The following CLIP1 variants were observed in gnomAD, a reference collection of about 807,000 sequenced individuals.
CLIP1 encodes the protein CAP-Gly domain containing linker protein 1.
Under a neutral mutation model 161.6 loss-of-function variants are expected in CLIP1, and 66 were observed. That is an observed-to-expected ratio of 0.41 (90% CI 0.33 to 0.50). CLIP1 has a LOEUF of 0.50. Ranked by LOEUF, CLIP1 falls within the 20% of genes least tolerant of loss-of-function variation. The pLI, the probability that CLIP1 is intolerant of heterozygous loss-of-function variation, is 0.27. For synonymous variants in CLIP1, 598 were observed against 626.2 expected (o/e 0.96, Z 0.67); for missense variants, 1,376 against 1,702.0 (o/e 0.81, Z 3.37).
chr12:122,331,204 G>A (rs1157443149), intron 15 of CLIP1, among the ~76,000 whole-genome samples: 2 of 151,586 alleles, frequency 1.3e-5, no homozygotes, highest in African/African-American at 4.9e-5. Flanking sequence ...AGTAGAGACG[G>A]GGTTTTCCAT....
intron 1 of CLIP1, among the ~76,000 whole-genome samples, chr12:122,403,844 T>C (rs566347808): frequency 6.6e-5 from 10 of 152,200 alleles, no homozygotes; most frequent in Admixed American, 5.9e-4. Context: ...CATTGGCCCA[T>C]ATTCTAACAC....
At chr12:122,387,578 A>G (rs1210507792) in intron 1 of CLIP1, among the ~76,000 whole-genome samples, 2 of 3,110 alleles carry the variant, frequency 6.4e-4, no homozygotes, top group African/African-American at 5.4e-4. Context: ...ATATATATAT[A>G]TATATATATA....
chr12:122,348,587 G>A (rs1446224358), intron 9 of CLIP1, among the ~76,000 whole-genome samples: 1 of 152,182 alleles, frequency 6.6e-6, no homozygotes, highest in African/African-American at 2.4e-5. Flanking sequence ...ACAGGTTTAA[G>A]TGCAGCAGAA....
intron 14 of CLIP1, among the ~76,000 whole-genome samples, chr12:122,333,562 C>G (rs1413237708): frequency 3.3e-5 from 5 of 152,138 alleles, no homozygotes; most frequent in African/African-American, 1.2e-4. Context: ...AGATGAAATC[C>G]GAGAGATAAT....
At chr12:122,301,941 C>G (rs1203010634) in intron 20 of CLIP1, among the ~76,000 whole-genome samples, 2 of 152,156 alleles carry the variant, frequency 1.3e-5, no homozygotes, top group African/African-American at 4.8e-5. Context: ...TAGTCATTGT[C>G]TGGAGACGAT....
chr12:122,377,583 T>G lies in CLIP1; in HGVS notation c.463A>C (p.Ser155Arg). 6.2e-7 allele frequency: 1 copy of G among 1,614,006 alleles called. No homozygotes were observed. The highest frequency in any genetic ancestry group is 8.5e-7 in the Non-Finnish European group (1 of 1,180,008). ...ATSPLCTSTA[S>R]MVSSSPSTPS... ...GTGGAGGGGGAGGAAGACACCATGC[T>G]GGCCGTAGAAGTGCACAGCGGTGAA... The change falls in exon 3 of 26, where the codon AGC becomes CGC. Residue 155 changes from serine to arginine, a missense_variant. By Grantham distance (110) the Ser-to-Arg change is moderately radical. Transcript: ENST00000620786.
intron 3 of CLIP1, among the ~76,000 whole-genome samples, chr12:122,372,347 G>C (rs1954492122): frequency 6.6e-6 from 1 of 151,966 alleles, no homozygotes. Flanking sequence ...TTGAACCCGG[G>C]AGGCGGAGGT....
At position 122,361,119 on chromosome 12, in the gene CLIP1, C is replaced by A. The variant is rs1483100801; in HGVS notation, c.845G>T (p.Gly282Val). Residue 282 changes from glycine to valine, a missense_variant, in exon 5 of 26, where the codon GGC becomes GTC. By Grantham distance (109) the Gly-to-Val change is moderately radical (BLOSUM62 -3). Coordinates refer to ENST00000620786, the MANE Select transcript of CLIP1 (RefSeq NM_001247997.2). ...TTTGGCTGGTGTAGTGGAAGGGAAG[C>A]CAATCTTGGTAACTTTGTGGACAGG... is the stretch of plus-strand genomic sequence containing the variant. ...FAPVHKVTKI[G>V]FPSTTPAKAK... 1 of 1,614,230 alleles carries A rather than the reference C, an allele frequency of 6.2e-7. No homozygotes were observed. Among genetic ancestry groups the A allele is most frequent in the South Asian group, 1.1e-5 (1 of 91,088 alleles).
At position 122,341,204 on chromosome 12, in the gene CLIP1, C is replaced by T; in HGVS notation, c.2000G>A (p.Arg667Lys). ...TTCTATTTCGTGTTGGTAATCTAGT[C>T]TCATTTTCTCTATTTGTGTTTTTAG... Reference protein sequence around the residue: ...AELKTQIEKMRLDYQHEIENL... With the variant: ...AELKTQIEKMKLDYQHEIENL... The change falls in exon 11 of 26, where the codon AGA becomes AAA. Residue 667 changes from arginine to lysine, a missense_variant. By Grantham distance (26) the Arg-to-Lys change is conservative. Transcript: ENST00000620786. 6.2e-7 allele frequency: 1 copy of T among 1,614,090 alleles called. No homozygotes were observed. Among genetic ancestry groups the T allele is most frequent in the Non-Finnish European group, 8.5e-7 (1 of 1,180,024 alleles).
intron 15 of CLIP1, among the ~76,000 whole-genome samples, chr12:122,331,490 T>C (rs188451665): frequency 3.9e-5 from 6 of 151,938 alleles, no homozygotes; most frequent in Admixed American, 6.6e-5. Context: ...AATTTTTGTA[T>C]TTTTAGTAGC....
Position 122,320,951 on chromosome 12 carries a change from G to A in CLIP1, c.3250-1603C>T, listed in dbSNP as rs145301134. Among the ~76,000 whole-genome samples, 865 of 151,402 alleles carry A rather than the reference G, an allele frequency of 5.7e-3. 10 individuals are homozygous for A. The highest frequency in any genetic ancestry group is 0.02 in the African/African-American group (816 of 41,334). ...TCTTGATCTTCTGATCTCGTGATCC[G>A]CCTGCAACAGCCTCCCAAAGTGCTG... On this transcript the variant is annotated intron_variant, in intron 17 of 25. Coordinates refer to ENST00000620786, the MANE Select transcript of CLIP1 (RefSeq NM_001247997.2).
intron 3 of CLIP1, among the ~76,000 whole-genome samples, chr12:122,370,176 A>G (rs930400864): frequency 1.1e-4 from 17 of 148,162 alleles, no homozygotes; most frequent in African/African-American, 4.2e-4. Flanking sequence ...AAAAAAAAAA[A>G]GAAGAAGAAG....
At chr12:122,294,095 G>A (rs1240042635) in intron 20 of CLIP1, among the ~76,000 whole-genome samples, 17 of 150,998 alleles carry the variant, frequency 1.1e-4, no homozygotes, top group Non-Finnish European at 2.2e-4. Flanking sequence ...TTGGGAGGCC[G>A]AGGCGGGCGG....
chr12:122,380,273 C>T (rs1448549602), intron 2 of CLIP1, 95 bp downstream of exon 2: 2 of 707,536 alleles, frequency 2.8e-6, no homozygotes, highest in East Asian at 3.4e-5. Flanking sequence ...CAAATATTTT[C>T]AAGAATATGA....
chr12:122,351,031 G>T, intron 9 of CLIP1, 80 bp downstream of exon 9: 1 of 1,052,418 alleles, frequency 9.5e-7, no homozygotes, highest in South Asian at 1.5e-5. Context: ...GTTAGTGTTT[G>T]AGTATATCAA....
Position 122,354,562 on chromosome 12 carries a change from G to C in CLIP1, c.1204-6C>G, listed in dbSNP as rs755178700. The C allele has an allele frequency of 3.7e-6, 6 of 1,608,942 alleles. No homozygotes were observed. In the Admixed American group the frequency reaches 1.0e-4, roughly 27 times the overall value. ...GCTTCCAATTCCAGGACATGCTGGG[G>C]AAGGCAAGAATGTCGGTAAATGGAC... On this transcript the variant is annotated splice_region_variant and splice_polypyrimidine_tract_variant and intron_variant, in intron 6 of 25. Coordinates refer to ENST00000620786, the MANE Select transcript of CLIP1 (RefSeq NM_001247997.2).
chr12:122,330,973 C>T (rs575360937), intron 15 of CLIP1, among the ~76,000 whole-genome samples: 19 of 151,992 alleles, frequency 1.3e-4, no homozygotes, highest in African/African-American at 4.1e-4. Context: ...AGGCTTCACC[C>T]CAGTAAGCCT....
At chr12:122,389,888 G>A (rs1296504088) in intron 1 of CLIP1, among the ~76,000 whole-genome samples, 1 of 150,784 alleles carries the variant, frequency 6.6e-6, no homozygotes, top group Non-Finnish European at 1.5e-5. Flanking sequence ...CCCGGTGGGA[G>A]GTGTTTGGGT....
In CLIP1 at chr12:122,377,392, T is replaced by C; in HGVS notation, c.654A>G (p.Val218=). The part of the protein sequence containing the change: ...GERELKIGDR[V]LVGGTKAGVV... The stretch of plus-strand genomic sequence containing the variant: ...CTCAGAATGTTTCTCTACTCACCAA[T>C]ACTCTGTCTCCGATTTTGAGCTCTC... The change falls in exon 3 of 26, where the codon GTA becomes GTG. Residue 218 remains valine (V), a synonymous_variant. Transcript: ENST00000620786. 2.5e-6 allele frequency: 4 copies of C among 1,612,082 alleles called. No individual in the cohort carries two copies. Among genetic ancestry groups the C allele is most frequent in the Non-Finnish European group, 3.4e-6 (4 of 1,178,782 alleles).
Sources: gnomAD v4.1 joint callset for allele counts (sites outside exome capture counted in the v4.1 genomes callset) on GRCh38, gnomAD v4.1.1 for gene constraint, MANE v1.5 for transcripts, NCBI Gene and HGNC (gene_info 2026-07-23, HGNC 2026-07-21) for gene names.